Variants in TANK observed in about 807,000 individuals in gnomAD.
TANK encodes the protein TRAF family member-associated NF-kappa-B activator.
In TANK, 15 loss-of-function variants were observed where a neutral mutation model predicts 43.6. The observed-to-expected ratio is 0.34, with a 90% confidence interval of 0.23 to 0.53. The LOEUF (loss-of-function observed/expected upper bound fraction) is 0.53, where lower values mean the gene tolerates loss of function less well. Among genes scored for constraint, TANK ranks in the 20% least tolerant of loss-of-function variants. TANK has a pLI of 0.94. For synonymous variants in TANK, 162 were observed against 178.2 expected, an observed-to-expected ratio of 0.91 and a Z score of 0.73; for missense variants, 417 against 498.6, an observed-to-expected ratio of 0.84 and a Z score of 1.56.
chr2:161,155,335 G>A (rs1248357435), intron 1 of TANK, among the ~76,000 whole-genome samples: 4 of 151,816 alleles, frequency 2.6e-5, no homozygotes, highest in Non-Finnish European at 5.9e-5. Context: ...TTTTTCCATT[G>A]CTTTGTAGTT....
intron 1 of TANK, among the ~76,000 whole-genome samples, chr2:161,175,479 G>A (rs1685136049): frequency 6.6e-6 from 1 of 152,140 alleles, no homozygotes; most frequent in Admixed American, 6.6e-5. Flanking sequence ...TACTATATCT[G>A]AATCCCTTGC....
chr2:161,160,514 T>C (rs2105245232), intron 1 of TANK, 28 bp downstream of exon 1: 2 of 1,266,032 alleles, frequency 1.6e-6, no homozygotes, highest in East Asian at 6.0e-5. Flanking sequence ...TGAATTGGTG[T>C]GTCCGAATCC....
Position 161,161,258 on chromosome 2 carries a change from T to C in TANK, c.-50+772T>C, listed in dbSNP as rs76016690. On this transcript the variant is annotated intron_variant, in intron 1 of 7. Transcript: ENST00000392749. ...GCAAAAGTAAAGCAGCCTTGCTATG[T>C]AAAGTGGTGTTTATCTCACCTCACA... is the stretch of plus-strand genomic sequence containing the variant. 15,091 of 1,550,136 alleles carry C rather than the reference T, an allele frequency of 9.7e-3. 164 individuals are homozygous for C. Among genetic ancestry groups the C allele is most frequent in the South Asian group, 0.035 (2,929 of 84,046 alleles).
chr2:161,194,237 C>T (rs1686045971), intron 2 of TANK, among the ~76,000 whole-genome samples: 1 of 151,874 alleles, frequency 6.6e-6, no homozygotes, highest in Non-Finnish European at 1.5e-5. Flanking sequence ...TCCTGCTTGT[C>T]CCAAGATTCT....
At chr2:161,224,838 G>T in intron 6 of TANK, 92 bp downstream of exon 6, 1 of 746,534 alleles carries the variant, frequency 1.3e-6, no homozygotes, top group Non-Finnish European at 2.1e-6. Context: ...TGCCTATTAA[G>T]TGTGTAGCAT....
chr2:161,182,698 G>C (rs1685483883), intron 2 of TANK, among the ~76,000 whole-genome samples: 1 of 152,052 alleles, frequency 6.6e-6, no homozygotes, highest in East Asian at 1.9e-4. Flanking sequence ...CTTCTATGGA[G>C]ACTTCATTGA....
chr2:161,212,338 G>A, intron 4 of TANK: 1 of 975,610 alleles, frequency 1.0e-6, no homozygotes, highest in Non-Finnish European at 1.2e-6. Flanking sequence ...TAGGATTACA[G>A]GTGTGTGCCA....
rs1686515380 is a variant in TANK, at chr2:161,203,597, T to G, written c.208+2T>G. ...TACTTCTTGTGAATTCCACTCAAGGTATGTTCATGTTAATTTTTTATGTAT... is the reference window on the plus strand; with the variant it reads ...TACTTCTTGTGAATTCCACTCAAGGGATGTTCATGTTAATTTTTTATGTAT... On this transcript the variant is annotated splice_donor_variant, in intron 3 of 7. Transcript: ENST00000392749. LOFTEE classifies it high-confidence loss of function. 6.3e-7 allele frequency: 1 copy of G among 1,580,964 alleles called. No individual in the cohort carries two copies. Among genetic ancestry groups the G allele is most frequent in the Non-Finnish European group, 8.7e-7 (1 of 1,155,814 alleles).
intron 4 of TANK, chr2:161,212,401 A>G (rs995344753): frequency 2.0e-5 from 20 of 984,656 alleles, no homozygotes; most frequent in Non-Finnish European, 2.4e-5. Flanking sequence ...GATATCCAAA[A>G]CATTTTAATA....
At chr2:161,174,702 T>C (rs2105283670) in intron 1 of TANK, among the ~76,000 whole-genome samples, 1 of 152,278 alleles carries the variant, frequency 6.6e-6, no homozygotes, top group East Asian at 1.9e-4. Context: ...TTCTTTCATT[T>C]CCACCTCTAC....
intron 4 of TANK, among the ~76,000 whole-genome samples, chr2:161,214,511 T>TG (rs929575307): frequency 5.0e-5 from 3 of 60,196 alleles, no homozygotes; most frequent in East Asian, 1.2e-3. Flanking sequence ...CTTTTTTTGC[T>TG]GGTTTTTTTT....
At chr2:161,152,339 C>T (rs1684103184) in intron 1 of TANK, among the ~76,000 whole-genome samples, 1 of 152,090 alleles carries the variant, frequency 6.6e-6, no homozygotes, top group Non-Finnish European at 1.5e-5. Flanking sequence ...CTACTAACAC[C>T]AAGCTCCTTC....
chr2:161,198,961 T>G (rs1440275493), intron 2 of TANK, among the ~76,000 whole-genome samples: 1 of 152,178 alleles, frequency 6.6e-6, no homozygotes, highest in Non-Finnish European at 1.5e-5. Context: ...CCAGGATCTC[T>G]GGGTTGCTGA....
chr2:161,142,407 C>T (rs537102823), intron 1 of TANK, among the ~76,000 whole-genome samples: 1 of 152,202 alleles, frequency 6.6e-6, no homozygotes, highest in East Asian at 1.9e-4. Context: ...ATGCCTATGT[C>T]CTGAATGGTC....
At chr2:161,155,826 G>T (rs1315346805), upstream of TANK, among the ~76,000 whole-genome samples, 1 of 152,118 alleles carries the variant, frequency 6.6e-6, no homozygotes, top group Non-Finnish European at 1.5e-5. Context: ...ACATTGTATA[G>T]TAATTGCCTG....
chr2:161,177,590 A>G (rs1345509067), intron 1 of TANK, among the ~76,000 whole-genome samples: 2 of 152,098 alleles, frequency 1.3e-5, no homozygotes, highest in Admixed American at 1.3e-4. Flanking sequence ...AAAAGAAACA[A>G]TTGAAAATCT....
At position 161,146,880 on chromosome 2, in the gene TANK, A is replaced by G. The variant is rs115822174; in HGVS notation, c.-50+9817A>G. On this transcript the variant is annotated intron_variant, in intron 1 of 7. Transcript: ENST00000259075. ...GAGGGGGTGTGCTTTGCTGGGGGGA[A>G]CCCACTCATCTGGGCTGCCTAGATT... is the stretch of plus-strand genomic sequence containing the variant. 5.3e-3 allele frequency among the ~76,000 whole-genome samples: 805 copies of G among 152,040 alleles called. 7 individuals carry two copies. Among genetic ancestry groups the G allele is most frequent in the African/African-American group, 0.018 (746 of 41,476 alleles).
chr2:161,235,260 C>G (rs776143819), intron 7 of TANK, 82 bp from the exon 8 acceptor site: 5 of 1,266,532 alleles, frequency 3.9e-6, no homozygotes, highest in Non-Finnish European at 5.5e-6. Flanking sequence ...CCATGCGTAA[C>G]TCATTCAGAA....
At chr2:161,159,889 G>C (rs1375363186), upstream of TANK, among the ~76,000 whole-genome samples, 1 of 152,094 alleles carries the variant, frequency 6.6e-6, no homozygotes, top group Non-Finnish European at 1.5e-5. Flanking sequence ...CTACCAGTTG[G>C]GGAGAAACCA....
Sources: gnomAD v4.1 joint callset for allele counts (sites outside exome capture counted in the v4.1 genomes callset) on GRCh38, gnomAD v4.1.1 for gene constraint, MANE v1.5 for transcripts, NCBI Gene and HGNC (gene_info 2026-07-23, HGNC 2026-07-21) for gene names.